The following MEGF11 variants were observed in gnomAD, a reference collection of about 807,000 sequenced individuals.
The protein encoded by MEGF11 is multiple epidermal growth factor-like domains protein 11.
MEGF11 carries 126 observed loss-of-function variants against 146.6 expected under a neutral mutation model. The observed-to-expected ratio is 0.86, with a 90% CI of 0.74 to 1.00. The LOEUF is 1.00. Among genes scored for constraint, MEGF11 ranks in the 50% least tolerant of loss-of-function variants. MEGF11 has a pLI of 0.00. For missense variants in MEGF11, 1,509 were observed against 1,521.2 expected (o/e 0.99, Z 0.13); for synonymous variants, 532 against 583.4 (o/e 0.91, Z 1.27).
intron 5 of MEGF11, among the ~76,000 whole-genome samples, chr15:66,035,886 G>T (rs1331609263): frequency 6.6e-6 from 1 of 152,200 alleles, no homozygotes; most frequent in Non-Finnish European, 1.5e-5. Context: ...ATGTTTTTAA[G>T]CTTCACATCT....
At chr15:66,156,685 G>A (rs866032655) in intron 1 of MEGF11, among the ~76,000 whole-genome samples, 28 of 152,172 alleles carry the variant, frequency 1.8e-4, no homozygotes, top group Admixed American at 1.4e-3. Context: ...TTCTGCCTTC[G>A]TTAACCAGGG....
intron 4 of MEGF11, among the ~76,000 whole-genome samples, chr15:66,098,739 C>A (rs774800680): frequency 2.6e-5 from 4 of 152,186 alleles, no homozygotes; most frequent in Non-Finnish European, 5.9e-5. Flanking sequence ...TGACCTACAT[C>A]CACGTGGACC....
chr15:66,065,657 T>G (rs1458579999), intron 5 of MEGF11, among the ~76,000 whole-genome samples: 1 of 152,220 alleles, frequency 6.6e-6, no homozygotes, highest in African/African-American at 2.4e-5. Flanking sequence ...AAGAGGACAC[T>G]GCCGAGTGTG....
At chr15:66,198,794 T>G (rs1294090490) in intron 1 of MEGF11, among the ~76,000 whole-genome samples, 1 of 152,068 alleles carries the variant, frequency 6.6e-6, no homozygotes, top group African/African-American at 2.4e-5. Flanking sequence ...TCCTTTTGTT[T>G]CTAGAGACTG....
At chr15:65,963,856 G>T (rs1024782762) in intron 9 of MEGF11, among the ~76,000 whole-genome samples, 1 of 152,176 alleles carries the variant, frequency 6.6e-6, no homozygotes, top group Non-Finnish European at 1.5e-5. Flanking sequence ...TGCAGTGAAC[G>T]AGGCTCCAGA....
chr15:66,146,812 C>T (rs2089391467), intron 1 of MEGF11, among the ~76,000 whole-genome samples: 1 of 152,234 alleles, frequency 6.6e-6, no homozygotes, highest in Non-Finnish European at 1.5e-5. Flanking sequence ...CGGCCTGGGT[C>T]CTGCATTGTC....
chr15:66,090,909 G>C (rs913996142), intron 5 of MEGF11, among the ~76,000 whole-genome samples: 3 of 152,200 alleles, frequency 2.0e-5, no homozygotes, highest in African/African-American at 7.2e-5. Context: ...AGCCCAATGT[G>C]CAAATGTATA....
intron 5 of MEGF11, among the ~76,000 whole-genome samples, chr15:66,015,087 C>T (rs984526890): frequency 6.6e-6 from 1 of 152,196 alleles, no homozygotes; most frequent in Admixed American, 6.5e-5. Context: ...AAGAGATGTG[C>T]ACACTTGACT....
chr15:66,236,717 G>A (rs939492506), intron 1 of MEGF11, among the ~76,000 whole-genome samples: 5 of 152,160 alleles, frequency 3.3e-5, no homozygotes, highest in African/African-American at 1.2e-4. Context: ...CCTCCTGGCT[G>A]TGGTGGTTGT....
chr15:65,913,096 G>A (rs990125469), intron 20 of MEGF11, among the ~76,000 whole-genome samples: 2 of 152,190 alleles, frequency 1.3e-5, no homozygotes, highest in Non-Finnish European at 2.9e-5. Context: ...GGGTTCAGGG[G>A]AAAGGAAGGA....
intron 5 of MEGF11, among the ~76,000 whole-genome samples, chr15:66,023,271 C>T (rs1227416713): frequency 6.6e-6 from 1 of 152,148 alleles, no homozygotes; most frequent in Admixed American, 6.5e-5. Flanking sequence ...GCTCTGAATT[C>T]CAGGGTGCAG....
chr15:66,120,965 A>C (rs1344593093), intron 3 of MEGF11, among the ~76,000 whole-genome samples: 3 of 152,218 alleles, frequency 2.0e-5, no homozygotes, highest in African/African-American at 4.8e-5. Flanking sequence ...AGAGGGAAGC[A>C]AGGCCAGGTG....
At chr15:66,167,416 C>T (rs551830364) in intron 1 of MEGF11, among the ~76,000 whole-genome samples, 14 of 151,766 alleles carry the variant, frequency 9.2e-5, no homozygotes, top group African/African-American at 3.1e-4. Context: ...CCGAGGCGGG[C>T]GGATCACCTG....
chr15:65,963,657 G>C (rs1175718418), intron 9 of MEGF11, among the ~76,000 whole-genome samples: 2 of 152,238 alleles, frequency 1.3e-5, no homozygotes, highest in Admixed American at 6.5e-5. Flanking sequence ...CTCAGTGTTT[G>C]TTGAATGAAT....
chr15:66,176,919 A>G lies in MEGF11; in HGVS notation c.-8-48508T>C, dbSNP rs149413628. The stretch of plus-strand genomic sequence containing the variant: ...GGCACCTGAGAGAAGTTCCCCACAG[A>G]TCTTAAGCTTCAAGCAATGACAAAG... On this transcript the variant is annotated intron_variant, in intron 1 of 25. Transcript: ENST00000395614. Among the ~76,000 whole-genome samples the G allele has an allele frequency of 8.5e-5, 13 of 152,294 alleles. No homozygotes were observed. The East Asian group carries it at 2.5e-3, about 29-fold the overall frequency.
intron 1 of MEGF11, among the ~76,000 whole-genome samples, chr15:66,244,215 T>C (rs1406948960): frequency 6.6e-6 from 1 of 152,030 alleles, no homozygotes; most frequent in Non-Finnish European, 1.5e-5. Flanking sequence ...CATCGCCCAC[T>C]CCTCCCAGAC....
chr15:65,962,508 G>A (rs1187757028), intron 9 of MEGF11, among the ~76,000 whole-genome samples: 3 of 152,198 alleles, frequency 2.0e-5, no homozygotes, highest in African/African-American at 7.2e-5. Flanking sequence ...AGCCCAAAAT[G>A]TTCATGGTGG....
intron 1 of MEGF11, among the ~76,000 whole-genome samples, chr15:66,130,730 G>GAGGAAGGAAGGA (rs137881134): frequency 9.2e-5 from 13 of 141,042 alleles, no homozygotes; most frequent in Non-Finnish European, 1.9e-4. Flanking sequence ...AAGAGGGAGG[G>GAGGAAGGAAGGA]AGGAAGGAAG....
intron 10 of MEGF11, among the ~76,000 whole-genome samples, chr15:65,945,864 C>T (rs897822627): frequency 6.6e-6 from 1 of 152,208 alleles, no homozygotes; most frequent in East Asian, 1.9e-4. Context: ...CCGCAGCTCA[C>T]AGGCAGGGGC....
Sources: allele counts gnomAD v4.1 joint callset (sites outside exome capture counted in the v4.1 genomes callset), GRCh38; gene constraint gnomAD v4.1.1; transcripts MANE v1.5; gene names NCBI Gene and HGNC (gene_info 2026-07-23, HGNC 2026-07-21).